GALNT10: variants seen among roughly 807,000 people sequenced by gnomAD.
The protein encoded by GALNT10 is polypeptide N-acetylgalactosaminyltransferase 10, also known as GalNAc transferase 10.
A neutral mutation model predicts 75.0 loss-of-function variants in GALNT10; 41 were observed. That is an observed-to-expected ratio of 0.55 (90% confidence interval 0.43 to 0.71). The LOEUF (loss-of-function observed/expected upper bound fraction) is 0.71. GALNT10 is among the 30% of genes least tolerant of loss of function. GALNT10 has a pLI of 0.00. For missense variants in GALNT10, 727 were observed against 818.5 expected (o/e 0.89, Z 1.36); for synonymous variants, 302 against 313.0 (o/e 0.96, Z 0.37).
chr5:154,191,101 C>G, intron 1 of GALNT10, 76 bp downstream of exon 1: 1 of 1,022,824 alleles, frequency 9.8e-7, no homozygotes, highest in Non-Finnish European at 1.3e-6. Flanking sequence ...CCTTCCTCCA[C>G]CTTCTGCTGT....
chr5:154,370,869 G>C (rs1755552991), intron 4 of GALNT10, among the ~76,000 whole-genome samples: 1 of 152,230 alleles, frequency 6.6e-6, no homozygotes, highest in African/African-American at 2.4e-5. Flanking sequence ...AGGCCGTGGA[G>C]TGCAGTGCTC....
At chr5:154,367,940 A>G (rs1755502708) in intron 4 of GALNT10, among the ~76,000 whole-genome samples, 2 of 152,132 alleles carry the variant, frequency 1.3e-5, no homozygotes, top group Admixed American at 6.5e-5. Context: ...AGCAGGAAAC[A>G]TGGGATTCTG....
At chr5:154,285,045 C>T (rs1371451084) in intron 1 of GALNT10, among the ~76,000 whole-genome samples, 2 of 152,184 alleles carry the variant, frequency 1.3e-5, no homozygotes, top group Non-Finnish European at 2.9e-5. Context: ...AGACACACCA[C>T]CTCTCAAAAG....
chr5:154,403,700 G>A (rs149753516), intron 7 of GALNT10: 411 of 292,462 alleles, frequency 1.4e-3, no homozygotes, highest in Non-Finnish European at 2.2e-3. Flanking sequence ...ACTCCATAGT[G>A]GATTAGAGCT....
chr5:154,395,807 A>C (rs1326142096), intron 7 of GALNT10, among the ~76,000 whole-genome samples: 2 of 152,230 alleles, frequency 1.3e-5, no homozygotes, highest in African/African-American at 2.4e-5. Flanking sequence ...GGTGGCTCCC[A>C]AGGTGTGAAC....
Position 154,353,859 on chromosome 5 carries a change from C to G in GALNT10, c.569-22418C>G, listed in dbSNP as rs74443501. On this transcript the variant is annotated intron_variant, in intron 4 of 11. Transcript: ENST00000297107. ...CAGACAGCCTTACCTCCCTCTTCCC[C>G]CTTCCTGACTCCCAGCTCTTATGTG... Among the ~76,000 whole-genome samples the G allele has an allele frequency of 8.5e-5, 13 of 152,322 alleles. No homozygotes were observed. The East Asian group carries it at 2.5e-3, about 29-fold the overall frequency.
intron 4 of GALNT10, among the ~76,000 whole-genome samples, chr5:154,332,569 T>G (rs1375143954): frequency 1.3e-5 from 2 of 152,230 alleles, no homozygotes; most frequent in African/African-American, 4.8e-5. Flanking sequence ...AGCTGTTTAT[T>G]CATTGTCGGT....
chr5:154,330,200 G>A (rs1754833756), intron 4 of GALNT10, among the ~76,000 whole-genome samples: 1 of 152,218 alleles, frequency 6.6e-6, no homozygotes, highest in Admixed American at 6.5e-5. Context: ...CAGGGAAAAG[G>A]GTGGAGAGCA....
intron 1 of GALNT10, among the ~76,000 whole-genome samples, chr5:154,288,408 T>TTGTGTGTGTG (rs10534031): frequency 0.018 from 2,180 of 122,574 alleles, 15 homozygotes; most frequent in African/African-American, 0.023. Context: ...AAAATTCCAT[T>TTGTGTGTGTG]TGTGTGTGTG....
intron 4 of GALNT10, among the ~76,000 whole-genome samples, chr5:154,358,803 C>T (rs1755336627): frequency 1.3e-5 from 2 of 152,170 alleles, no homozygotes; most frequent in Non-Finnish European, 1.5e-5. Flanking sequence ...TTTGTGGGGT[C>T]GCATGGCTAG....
intron 3 of GALNT10, among the ~76,000 whole-genome samples, chr5:154,322,210 C>T (rs11953560): frequency 0.69 from 105,018 of 151,910 alleles, 37,535 homozygotes; most frequent in Admixed American, 0.82. Flanking sequence ...TCTAGGGGAA[C>T]GTTGCTTGTC....
chr5:154,208,862 C>T (rs1051818421), intron 1 of GALNT10, among the ~76,000 whole-genome samples: 6 of 152,132 alleles, frequency 3.9e-5, no homozygotes, highest in African/African-American at 1.2e-4. Flanking sequence ...ACAGCTCCTA[C>T]CCCCAGTGTT....
intron 4 of GALNT10, chr5:154,356,012 C>G (rs1459195282): frequency 2.4e-6 from 1 of 412,304 alleles, no homozygotes; most frequent in Non-Finnish European, 4.8e-6. Flanking sequence ...CATTTGGCTC[C>G]ATGACAGAGA....
In GALNT10 at chr5:154,223,620, T is replaced by A. The variant is rs115015495; in HGVS notation, c.159+32595T>A. ...GGCAACAAAGATGACAGAAAGGGAATAACAATTGGAGGGAGCAGGCCGGGT... is the reference window on the plus strand; with the variant it reads ...GGCAACAAAGATGACAGAAAGGGAAAAACAATTGGAGGGAGCAGGCCGGGT... On this transcript the variant is annotated intron_variant, in intron 1 of 11. Coordinates refer to ENST00000297107, the MANE Select transcript of GALNT10 (RefSeq NM_198321.4). Among the ~76,000 whole-genome samples, 688 of 152,196 alleles carry A rather than the reference T, an allele frequency of 4.5e-3. 5 individuals are homozygous for A. The highest frequency in any genetic ancestry group is 0.016 in the African/African-American group (666 of 41,524).
intron 3 of GALNT10, among the ~76,000 whole-genome samples, chr5:154,301,857 G>C (rs549838965): frequency 1.1e-4 from 16 of 152,276 alleles, no homozygotes; most frequent in African/African-American, 3.1e-4. Flanking sequence ...GTTCCAGGTG[G>C]GTGGGAGTGG....
chr5:154,273,822 T>C (rs1753909022), intron 1 of GALNT10, among the ~76,000 whole-genome samples: 1 of 152,242 alleles, frequency 6.6e-6, no homozygotes, highest in South Asian at 2.1e-4. Flanking sequence ...TTCAAACTTG[T>C]TTTTTAAAGC....
intron 3 of GALNT10, among the ~76,000 whole-genome samples, chr5:154,319,560 A>G (rs1449425633): frequency 6.6e-6 from 1 of 152,184 alleles, no homozygotes; most frequent in Admixed American, 6.5e-5. Flanking sequence ...TCATTTGAAT[A>G]TGGTACAGAT....
intron 1 of GALNT10, among the ~76,000 whole-genome samples, chr5:154,208,955 G>C (rs539692936): frequency 1.3e-5 from 2 of 152,290 alleles, no homozygotes; most frequent in East Asian, 3.9e-4. Context: ...CTTACTGAGT[G>C]GTAGAGAGTC....
chr5:154,305,547 A>G (rs1295299233), intron 3 of GALNT10, among the ~76,000 whole-genome samples: 2 of 152,256 alleles, frequency 1.3e-5, no homozygotes, highest in Non-Finnish European at 2.9e-5. Context: ...CAGTCAAAAG[A>G]AAGCTGCAGA....
Sources: allele counts gnomAD v4.1 joint callset (sites outside exome capture counted in the v4.1 genomes callset), GRCh38; gene constraint gnomAD v4.1.1; transcripts MANE v1.5; gene names NCBI Gene and HGNC (gene_info 2026-07-23, HGNC 2026-07-21).